GRIA4: variants seen among roughly 807,000 people sequenced by gnomAD.
GRIA4 encodes glutamate receptor 4.
Under a neutral mutation model 104.0 loss-of-function variants are expected in GRIA4, and 34 were observed. That is an observed-to-expected ratio of 0.33 (90% CI 0.25 to 0.44). The LOEUF is 0.44. Among genes scored for constraint, GRIA4 ranks in the 20% least tolerant of loss-of-function variants. The pLI, the probability that GRIA4 is intolerant of heterozygous loss-of-function variation, is 1.00. For synonymous variants in GRIA4, 386 were observed against 381.9 expected, an observed-to-expected ratio of 1.01 and a Z score of -0.13; for missense variants, 750 against 1,096.5, an observed-to-expected ratio of 0.68 and a Z score of 4.46.
rs1018110434 is a variant in GRIA4 at position 105,972,170 on chromosome 11, C to G, written c.2409+142C>G. 1.2e-4 allele frequency: 61 copies of G among 521,270 alleles called. 2 individuals carry two copies. The highest frequency in any genetic ancestry group is 1.0e-3 in the African/African-American group (54 of 52,312). 32.3% of individuals were successfully genotyped at this position (521,270 alleles called of 1,614,324 possible). A position where few individuals can be genotyped will look rare whatever the true frequency, so the allele number is the denominator to read the frequency against. ...AATTAAAAGCTAATGTCATAAATTT[C>G]AACCATAGGGATGGTCTTCCCAGGA... On this transcript the variant is annotated intron_variant, in intron 15 of 16. Coordinates refer to ENST00000282499, the MANE Select transcript of GRIA4 (RefSeq NM_000829.4).
At chr11:105,835,694 C>T (rs1437871568) in intron 4 of GRIA4, among the ~76,000 whole-genome samples, 1 of 151,970 alleles carries the variant, frequency 6.6e-6, no homozygotes, top group Non-Finnish European at 1.5e-5. Flanking sequence ...CATTATTTTT[C>T]ATGGCTTTTA....
At chr11:105,842,894 C>T (rs1397123885) in intron 4 of GRIA4, 1 of 152,130 alleles carries the variant, frequency 6.6e-6, no homozygotes, top group Non-Finnish European at 1.5e-5. Flanking sequence ...AGAAAAAGAA[C>T]CAAATTTTTG....
intron 3 of GRIA4, among the ~76,000 whole-genome samples, chr11:105,668,868 G>T (rs1036740985): frequency 6.6e-6 from 1 of 151,590 alleles, no homozygotes; most frequent in Non-Finnish European, 1.5e-5. Context: ...TAGTTTAAAA[G>T]GTATTTAGAC....
chr11:105,749,778 T>C (rs555817663), intron 3 of GRIA4, among the ~76,000 whole-genome samples: 13 of 152,250 alleles, frequency 8.5e-5, no homozygotes, highest in African/African-American at 2.2e-4. Flanking sequence ...ATTTATATAA[T>C]ACATAATCCA....
intron 4 of GRIA4, among the ~76,000 whole-genome samples, chr11:105,821,797 T>G (rs2135904157): frequency 6.6e-6 from 1 of 152,242 alleles, no homozygotes; most frequent in Non-Finnish European, 1.5e-5. Flanking sequence ...TCCCATAAAA[T>G]TTATGCTAAA....
intron 3 of GRIA4, among the ~76,000 whole-genome samples, chr11:105,751,875 T>C (rs998622024): frequency 6.6e-6 from 1 of 152,158 alleles, no homozygotes; most frequent in South Asian, 2.1e-4. Context: ...CTAATACAAG[T>C]AAGATTAGTA....
intron 3 of GRIA4, among the ~76,000 whole-genome samples, chr11:105,623,371 C>T (rs1368925662): frequency 3.9e-5 from 6 of 151,934 alleles, no homozygotes; most frequent in Admixed American, 2.0e-4. Context: ...TCTCCATCTA[C>T]TTAACATATT....
chr11:105,668,365 T>C (rs192546242), intron 3 of GRIA4, among the ~76,000 whole-genome samples: 2 of 148,942 alleles, frequency 1.3e-5, no homozygotes, highest in South Asian at 2.1e-4. Context: ...ATATATTGTA[T>C]ATATATAAAA....
chr11:105,768,304 T>TA (rs574902745), intron 4 of GRIA4, among the ~76,000 whole-genome samples: 23 of 150,918 alleles, frequency 1.5e-4, no homozygotes, highest in African/African-American at 4.4e-4. Context: ...AGCTATCTTC[T>TA]AAAAAAAAAC....
rs1226676814 is a variant in GRIA4, at chr11:105,743,172, ATTTCAT to A, written c.248-9807_248-9802del. Reference sequence around the variant, plus strand: ...TTATCCCTGAGGTATTTTAAATGTGATTTCATTCAAAAATAGAAGTACAGGCACTGA... The same window carrying A: ...TTATCCCTGAGGTATTTTAAATGTGATCAAAAATAGAAGTACAGGCACTGA... On this transcript the variant is annotated intron_variant, in intron 3 of 16. Coordinates refer to ENST00000282499, the MANE Select transcript of GRIA4 (RefSeq NM_000829.4). Among the ~76,000 whole-genome samples the A allele has an allele frequency of 2.0e-5, 3 of 152,220 alleles. No individual in the cohort carries two copies. The East Asian group carries it at 5.8e-4, about 29-fold the overall frequency.
intron 3 of GRIA4, among the ~76,000 whole-genome samples, chr11:105,728,028 G>A (rs10895868): frequency 0.54 from 82,430 of 152,034 alleles, 22,473 homozygotes; most frequent in Admixed American, 0.61. Flanking sequence ...ACATAACAAC[G>A]TTAACCTTTA....
At chr11:105,634,751 C>A (rs1951160248) in intron 3 of GRIA4, among the ~76,000 whole-genome samples, 1 of 152,198 alleles carries the variant, frequency 6.6e-6, no homozygotes, top group Non-Finnish European at 1.5e-5. Flanking sequence ...CAGATTCTAA[C>A]AGTCCCCAAA....
rs148537174 is a variant in GRIA4 at position 105,726,018 on chromosome 11, T to C, written c.248-26963T>C. On this transcript the variant is annotated intron_variant, in intron 3 of 16. Transcript: ENST00000282499. ...GCAGGAGTTTTTTTTCATACCCCAGTGGCACCTGCAATGCCATTGAGACAG... is the reference window on the plus strand; with the variant it reads ...GCAGGAGTTTTTTTTCATACCCCAGCGGCACCTGCAATGCCATTGAGACAG... 4.3e-3 allele frequency among the ~76,000 whole-genome samples: 649 copies of C among 152,060 alleles called. 4 individuals carry two copies. The highest frequency in any genetic ancestry group is 0.015 in the African/African-American group (626 of 41,476).
intron 3 of GRIA4, among the ~76,000 whole-genome samples, chr11:105,733,403 A>G (rs1938726081): frequency 6.6e-6 from 1 of 152,088 alleles, no homozygotes; most frequent in African/African-American, 2.4e-5. Flanking sequence ...TGTATCTTTA[A>G]GGATTTGTGG....
chr11:105,761,777 A>G (rs1402370501), intron 4 of GRIA4, among the ~76,000 whole-genome samples: 3 of 152,190 alleles, frequency 2.0e-5, no homozygotes, highest in Non-Finnish European at 4.4e-5. Flanking sequence ...TTCATAGTTT[A>G]CACTTTATAC....
In GRIA4 at chr11:105,624,950, T is replaced by A. The variant is rs575726941; in HGVS notation, c.247+12516T>A. Among the ~76,000 whole-genome samples, 48 of 152,240 alleles carry A rather than the reference T, an allele frequency of 3.2e-4. No homozygotes were observed. The South Asian group carries it at 7.7e-3, about 24-fold the overall frequency. ...ATACAAGTATTACATATAGAATATA[T>A]ATACTTTTAGACTATGCACATTATT... On this transcript the variant is annotated intron_variant, in intron 3 of 16. Transcript: ENST00000282499.
intron 4 of GRIA4, among the ~76,000 whole-genome samples, chr11:105,789,481 A>G (rs1942122071): frequency 6.6e-6 from 1 of 152,156 alleles, no homozygotes; most frequent in Non-Finnish European, 1.5e-5. Flanking sequence ...GCATATTCAA[A>G]TAAGTGTTCA....
chr11:105,973,586 CTTAT>C (rs1345073885), intron 15 of GRIA4, among the ~76,000 whole-genome samples: 6 of 151,972 alleles, frequency 3.9e-5, no homozygotes, highest in Non-Finnish European at 8.8e-5. Flanking sequence ...ACATAAATAA[CTTAT>C]TTCTCAATTG....
At chr11:105,655,705 G>A (rs1018637084) in intron 3 of GRIA4, among the ~76,000 whole-genome samples, 7 of 152,054 alleles carry the variant, frequency 4.6e-5, no homozygotes, top group African/African-American at 1.7e-4. Flanking sequence ...GTGTATATGT[G>A]CCACATTTTC....
Sources: allele counts gnomAD v4.1 joint callset (sites outside exome capture counted in the v4.1 genomes callset), GRCh38; gene constraint gnomAD v4.1.1; transcripts MANE v1.5; gene names NCBI Gene and HGNC (gene_info 2026-07-23, HGNC 2026-07-21).